The following TENM3 variants were observed in gnomAD, a reference collection of about 807,000 sequenced individuals.
The protein encoded by TENM3 is teneurin-3.
Under a neutral mutation model 255.1 loss-of-function variants are expected in TENM3, and 63 were observed. That is an observed-to-expected ratio of 0.25 (90% CI 0.20 to 0.30). TENM3 has a LOEUF of 0.30. Ranked by LOEUF, TENM3 falls within the 10% of genes least tolerant of loss-of-function variation. The probability of loss-of-function intolerance (pLI) is 1.00; values close to 1 mark genes in which losing one functional copy is unlikely to be tolerated. For synonymous variants in TENM3, 1,306 were observed against 1,322.3 expected (o/e 0.99, Z 0.27); for missense variants, 2,929 against 3,461.1 (o/e 0.85, Z 3.86).
intron 1 of TENM3, among the ~76,000 whole-genome samples, chr4:182,205,984 G>A (rs1036312808): frequency 6.6e-6 from 1 of 151,860 alleles, no homozygotes; most frequent in Non-Finnish European, 1.5e-5. Flanking sequence ...CTTCTCTGAA[G>A]CTGGCCAAAA....
chr4:181,526,463 T>G, the TENM3 span, among the ~76,000 whole-genome samples: 1 of 152,108 alleles, frequency 6.6e-6, no homozygotes, highest in African/African-American at 2.4e-5. Flanking sequence ...GATTGGAAGT[T>G]TTATAACGTG....
intron 7 of TENM3, 54 bp downstream of exon 7, chr4:182,673,273 A>G: frequency 7.9e-7 from 1 of 1,258,548 alleles, no homozygotes; most frequent in Non-Finnish European, 1.1e-6. Flanking sequence ...GCATTTTTTG[A>G]AATTATTCTC....
intron 1 of TENM3, among the ~76,000 whole-genome samples, chr4:182,264,011 C>G (rs577110211): frequency 6.6e-6 from 1 of 152,300 alleles, no homozygotes; most frequent in African/African-American, 2.4e-5. Flanking sequence ...TAGGGCCGCT[C>G]AGGGAAAGGG....
the TENM3 span, among the ~76,000 whole-genome samples, chr4:182,068,717 T>C: frequency 6.6e-6 from 1 of 152,128 alleles, no homozygotes; most frequent in Non-Finnish European, 1.5e-5. Flanking sequence ...CCCACACATG[T>C]ACATAAGAAT....
chr4:182,236,331 C>T (rs578259446), intron 1 of TENM3, among the ~76,000 whole-genome samples: 3 of 152,292 alleles, frequency 2.0e-5, no homozygotes, highest in East Asian at 1.9e-4. Context: ...TCTGCAAATA[C>T]GCCTGCAGTT....
At chr4:182,672,944 CT>C (rs1163836714) in intron 6 of TENM3, 60 bp from the exon 7 acceptor site, 3 of 1,263,110 alleles carry the variant, frequency 2.4e-6, no homozygotes, top group Non-Finnish European at 1.1e-6. Flanking sequence ...GTTTAAAAAC[CT>C]TTTTTGTTTT....
chr4:182,549,341 T>C (rs1741780255), intron 3 of TENM3, among the ~76,000 whole-genome samples: 1 of 152,222 alleles, frequency 6.6e-6, no homozygotes, highest in African/African-American at 2.4e-5. Context: ...TTTTCGTTCC[T>C]TTCCATTAAA....
chr4:182,701,774 C>G (rs1757900455), intron 12 of TENM3, among the ~76,000 whole-genome samples: 1 of 152,158 alleles, frequency 6.6e-6, no homozygotes, highest in Non-Finnish European at 1.5e-5. Context: ...TGTTTGTGTG[C>G]CACCCACAGC....
chr4:182,552,001 G>A (rs1742085100), intron 3 of TENM3, among the ~76,000 whole-genome samples: 2 of 151,038 alleles, frequency 1.3e-5, no homozygotes, highest in African/African-American at 4.9e-5. Context: ...ACTCCAGCCG[G>A]GGTGACAGAG....
the TENM3 span, among the ~76,000 whole-genome samples, chr4:181,785,338 C>A: frequency 1.3e-5 from 2 of 152,100 alleles, no homozygotes; most frequent in South Asian, 4.1e-4. Flanking sequence ...GTGGTCGGAG[C>A]GAAGCCCTGC....
intron 16 of TENM3, 97 bp downstream of exon 16, chr4:182,731,236 T>C (rs1760677050): frequency 1.6e-6 from 2 of 1,278,912 alleles, no homozygotes; most frequent in Non-Finnish European, 2.2e-6. Flanking sequence ...CCGGGCACGG[T>C]GGCTCACTCC....
At chr4:182,252,289 C>T (rs1455146880) in intron 1 of TENM3, among the ~76,000 whole-genome samples, 3 of 152,176 alleles carry the variant, frequency 2.0e-5, no homozygotes, top group Middle Eastern at 3.4e-3. Flanking sequence ...TTTCATTATG[C>T]TCCTTATGAG....
intron 3 of TENM3, among the ~76,000 whole-genome samples, chr4:182,416,586 A>G (rs1770375365): frequency 6.6e-6 from 1 of 152,136 alleles, no homozygotes; most frequent in Non-Finnish European, 1.5e-5. Flanking sequence ...TTTACTCCAG[A>G]GTTCAACTGA....
chr4:181,605,568 A>G, the TENM3 span, among the ~76,000 whole-genome samples: 3,101 of 41,850 alleles, frequency 0.074, 477 homozygotes, highest in Admixed American at 0.12. Context: ...GAAAGAAAGA[A>G]AGAGAGAGAA....
the TENM3 span, among the ~76,000 whole-genome samples, chr4:181,579,148 T>G: frequency 4.2e-3 from 644 of 152,082 alleles, 3 homozygotes; most frequent in African/African-American, 0.015. Flanking sequence ...TCTGGCCAAG[T>G]CCAGGTCAGG....
the TENM3 span, among the ~76,000 whole-genome samples, chr4:181,742,064 T>A: frequency 1.3e-5 from 2 of 152,226 alleles, no homozygotes; most frequent in African/African-American, 4.8e-5. Context: ...GATGTTGGGC[T>A]ATTCAGTGAG....
chr4:182,100,498 C>CATAT, the TENM3 span, among the ~76,000 whole-genome samples: 1 of 138,862 alleles, frequency 7.2e-6, no homozygotes, highest in South Asian at 2.3e-4. Context: ...TATATATACA[C>CATAT]ACACACACAT....
chr4:182,577,840 A>G (rs1252282255), intron 3 of TENM3, among the ~76,000 whole-genome samples: 5 of 152,194 alleles, frequency 3.3e-5, no homozygotes, highest in African/African-American at 1.2e-4. Flanking sequence ...AAATATCCTA[A>G]CATGTAAACA....
chr4:181,627,804 C>T, the TENM3 span, among the ~76,000 whole-genome samples: 2 of 152,284 alleles, frequency 1.3e-5, no homozygotes, highest in South Asian at 4.1e-4. Context: ...ATTAAGTGTG[C>T]ATGTGCCATT....
Sources: allele counts gnomAD v4.1 joint callset (sites outside exome capture counted in the v4.1 genomes callset), GRCh38; gene constraint gnomAD v4.1.1; transcripts MANE v1.5; gene names NCBI Gene and HGNC (gene_info 2026-07-23, HGNC 2026-07-21).